The following RASGRP3 variants were observed in gnomAD, a reference collection of about 807,000 sequenced individuals.
The protein encoded by RASGRP3 is ras guanyl-releasing protein 3.
RASGRP3 carries 54 observed loss-of-function variants against 82.7 expected under a neutral mutation model. The ratio of observed to expected loss-of-function variants is 0.65; its 90% CI spans 0.52 to 0.82. The LOEUF (loss-of-function observed/expected upper bound fraction) is 0.82, where lower values mean the gene tolerates loss of function less well. Ranked by LOEUF, RASGRP3 falls within the 40% of genes least tolerant of loss-of-function variation. The pLI is 0.00. For synonymous variants in RASGRP3, 309 were observed against 300.5 expected (o/e 1.03, Z -0.29); for missense variants, 861 against 828.9 (o/e 1.04, Z -0.48).
chr2:33,487,422 T>G (rs1313868095), intron 1 of RASGRP3, among the ~76,000 whole-genome samples: 1 of 152,166 alleles, frequency 6.6e-6, no homozygotes. Context: ...AAAGGTAAAG[T>G]TGATAGTTCT....
intron 1 of RASGRP3, among the ~76,000 whole-genome samples, chr2:33,494,424 C>T (rs1347833685): frequency 6.6e-6 from 1 of 152,146 alleles, no homozygotes; most frequent in Non-Finnish European, 1.5e-5. Context: ...CTTGTGTAGT[C>T]ACTAATTATA....
chr2:33,513,799 C>T (rs1364734924), intron 2 of RASGRP3: 2 of 152,214 alleles, frequency 1.3e-5, no homozygotes, highest in Non-Finnish European at 2.9e-5. Context: ...GGATAGCTCT[C>T]ATCCTCACAT....
intron 1 of RASGRP3, among the ~76,000 whole-genome samples, chr2:33,502,024 T>A (rs1344585394): frequency 1.3e-5 from 2 of 152,036 alleles, no homozygotes; most frequent in African/African-American, 2.4e-5. Flanking sequence ...CAGAGCTTGA[T>A]TTGGGTGGTC....
chr2:33,529,261 A>G (rs13015659), intron 10 of RASGRP3, among the ~76,000 whole-genome samples: 124,404 of 151,514 alleles, frequency 0.82, 51,220 homozygotes, highest in African/African-American at 0.88. Context: ...TTGGGAGGCC[A>G]AGGCGGGCAG....
intron 1 of RASGRP3, among the ~76,000 whole-genome samples, chr2:33,493,783 A>T (rs1235224069): frequency 6.6e-6 from 1 of 152,048 alleles, no homozygotes; most frequent in Non-Finnish European, 1.5e-5. Flanking sequence ...TGACAAGGAG[A>T]GATGATCAGA....
At chr2:33,454,011 G>A (rs547745923) in intron 2 of RASGRP3, among the ~76,000 whole-genome samples, 1 of 151,996 alleles carries the variant, frequency 6.6e-6, no homozygotes, top group African/African-American at 2.4e-5. Context: ...TGTGGATTGA[G>A]ATGGCTGTGT....
intron 4 of RASGRP3, among the ~76,000 whole-genome samples, chr2:33,519,443 C>T (rs1169074338): frequency 2.0e-5 from 3 of 152,072 alleles, no homozygotes; most frequent in Non-Finnish European, 4.4e-5. Flanking sequence ...GGCGAAACCC[C>T]GTCTCTACTA....
At chr2:33,516,726 A>G in intron 4 of RASGRP3, 82 bp downstream of exon 4, 3 of 910,568 alleles carry the variant, frequency 3.3e-6, no homozygotes, top group Non-Finnish European at 5.1e-6. Flanking sequence ...AAAGCCAGTA[A>G]ATTAAGATGA....
At chr2:33,507,423 G>A (rs964249901) in intron 1 of RASGRP3, among the ~76,000 whole-genome samples, 2 of 152,120 alleles carry the variant, frequency 1.3e-5, no homozygotes, top group East Asian at 3.9e-4. Context: ...TGAGTGGTGG[G>A]GCAGAGATGC....
intron 10 of RASGRP3, among the ~76,000 whole-genome samples, chr2:33,527,947 C>T (rs966260885): frequency 1.3e-5 from 2 of 152,184 alleles, no homozygotes; most frequent in African/African-American, 2.4e-5. Flanking sequence ...CCACATTTTA[C>T]CAGCCTTTGA....
chr2:33,500,133 G>A (rs1029734034), intron 1 of RASGRP3, among the ~76,000 whole-genome samples: 3 of 152,152 alleles, frequency 2.0e-5, no homozygotes, highest in Non-Finnish European at 4.4e-5. Flanking sequence ...TGCAAAGCAT[G>A]GGGTCTGTGA....
intron 1 of RASGRP3, among the ~76,000 whole-genome samples, chr2:33,483,413 A>G (rs952262298): frequency 2.6e-4 from 39 of 152,114 alleles, no homozygotes; most frequent in Non-Finnish European, 5.9e-5. Flanking sequence ...TTGACAGAGA[A>G]CTAGTAACAT....
exon 1 of RASGRP3, chr2:33,436,528 G>A (rs991188284): frequency 6.6e-6 from 1 of 152,220 alleles, no homozygotes; most frequent in African/African-American, 2.4e-5. Context: ...CTTGCTAGAG[G>A]TGATGAAGTG....
intron 14 of RASGRP3, among the ~76,000 whole-genome samples, chr2:33,554,507 C>T (rs935605685): frequency 6.6e-6 from 1 of 151,984 alleles, no homozygotes; most frequent in African/African-American, 2.4e-5. Context: ...GACTCTTGCT[C>T]TGTTGCCCAG....
At chr2:33,492,463 C>T (rs1483934238) in intron 1 of RASGRP3, among the ~76,000 whole-genome samples, 2 of 152,014 alleles carry the variant, frequency 1.3e-5, no homozygotes, top group Non-Finnish European at 2.9e-5. Context: ...AATTTTGTAC[C>T]CCCCAGCATC....
chr2:33,478,393 C>T (rs1667568589), intron 1 of RASGRP3, among the ~76,000 whole-genome samples: 1 of 152,032 alleles, frequency 6.6e-6, no homozygotes, highest in African/African-American at 2.4e-5. Context: ...GGAGGGGGTT[C>T]CTCCTGAGTC....
intron 10 of RASGRP3, among the ~76,000 whole-genome samples, chr2:33,530,047 T>C (rs1014336198): frequency 1.3e-5 from 2 of 152,228 alleles, no homozygotes; most frequent in African/African-American, 4.8e-5. Flanking sequence ...ACATGAGGAC[T>C]GAGGAGGCTT....
rs912674365 is a variant in RASGRP3, at chr2:33,563,210, T to A, written c.*473T>A. ...TTTTCATTTTTTGTTTTTCTTGTTT[T>A]GTTTTGTTTTGTTTTGTTCTTCTTG... On this transcript the variant is annotated 3_prime_UTR_variant, in exon 18 of 18. Transcript: ENST00000403687. The A allele has an allele frequency of 1.3e-5, 2 of 154,902 alleles. No individual in the cohort carries two copies. Among genetic ancestry groups the A allele is most frequent in the African/African-American group, 4.8e-5 (2 of 41,428 alleles). 9.6% of individuals were successfully genotyped at this position (154,902 alleles called of 1,614,324 possible).
chr2:33,552,438 T>C (rs530668197), intron 14 of RASGRP3, among the ~76,000 whole-genome samples: 41 of 152,368 alleles, frequency 2.7e-4, no homozygotes, highest in Non-Finnish European at 4.4e-4. Flanking sequence ...GAGAGTTTAA[T>C]TGAAATTAAC....
Sources: allele counts gnomAD v4.1 joint callset (sites outside exome capture counted in the v4.1 genomes callset), GRCh38; gene constraint gnomAD v4.1.1; transcripts MANE v1.5; gene names NCBI Gene and HGNC (gene_info 2026-07-23, HGNC 2026-07-21).